The following LPCAT4 variants were observed in gnomAD, a reference collection of about 807,000 sequenced individuals.
LPCAT4 encodes the protein lysophospholipid acyltransferase LPCAT4.
In LPCAT4, 30 loss-of-function variants were observed where a neutral mutation model predicts 66.5. The ratio of observed to expected loss-of-function variants is 0.45; its 90% confidence interval spans 0.34 to 0.61. The LOEUF is 0.61. Ranked by LOEUF, LPCAT4 falls within the 20% of genes least tolerant of loss-of-function variation. LPCAT4 has a pLI of 0.01. For missense variants in LPCAT4, 557 were observed against 656.7 expected, an observed-to-expected ratio of 0.85 and a Z score of 1.66; for synonymous variants, 253 against 262.1, an observed-to-expected ratio of 0.97 and a Z score of 0.34.
chr15:34,362,482 G>C, intron 9 of LPCAT4, 91 bp downstream of exon 9: 3 of 1,415,326 alleles, frequency 2.1e-6, no homozygotes, highest in Non-Finnish European at 2.9e-6. Context: ...CCTGCTCCTC[G>C]ATCTTTGCCT....
chr15:34,363,715 G>A lies in LPCAT4; in HGVS notation c.657C>T (p.Ala219=), dbSNP rs1222953121. ...KKALLKFKPG[A]FIAGVPVQPV... ...GCTGCACAGGCACCCCTGCGATGAA[G>A]GCTCCTAAATCCCATTTCCACCCCC... Residue 219 remains alanine, a synonymous_variant, in exon 6 of 14, where the codon GCC becomes GCT. Transcript: ENST00000314891. The surrounding 1 kb of genome is among the most constrained non-coding windows in gnomAD (Gnocchi z 4.3). The A allele has an allele frequency of 5.0e-6, 8 of 1,614,138 alleles. No homozygotes were observed. The highest frequency in any genetic ancestry group is 6.8e-6 in the Non-Finnish European group (8 of 1,180,026).
chr15:34,359,289 G>A lies in LPCAT4; in HGVS notation c.1413C>T (p.Asn471=), dbSNP rs1890884758. ...CATAGAGTGGGTCATGGAGGGAGAA[G>A]TTCTGGAACTGACCTGGACAAATAA... The part of the protein sequence containing the change: ...SQGLSLCQFQ[N]FSLHDPLYGK... Residue 471 remains asparagine (N), a synonymous_variant, in exon 14 of 14, where the codon AAC becomes AAT. Coordinates refer to ENST00000314891, the MANE Select transcript of LPCAT4 (RefSeq NM_153613.3). 1 of 1,531,304 alleles carries A rather than the reference G, an allele frequency of 6.5e-7. No individual in the cohort carries two copies. Among genetic ancestry groups the A allele is most frequent in the Non-Finnish European group, 8.8e-7 (1 of 1,138,750 alleles). 94.9% of individuals were successfully genotyped at this position (1,531,304 alleles called of 1,614,324 possible).
In LPCAT4 at chr15:34,359,131, T is replaced by A; in HGVS notation, c.1571A>T (p.Asp524Val). ...GTVQAPKQKGD is the reference protein window; with the variant it reads ...GTVQAPKQKGV ...GGGGGTGAGAGGCTGAGGCACTCAG[T>A]CTCCCTTCTGCTTGGGTGCTTGCAC... The change falls in exon 14 of 14, where the codon GAC (aspartate) becomes GTC (valine). Residue 524 changes from aspartate to valine, a missense_variant. Around this residue, in one of 4 missense-constraint regions of LPCAT4, gnomAD observed 392 missense variants for 473.9 expected, o/e 0.83. Transcript: ENST00000314891. The A allele has an allele frequency of 6.2e-7, 1 of 1,601,330 alleles. No homozygotes were observed. The highest frequency in any genetic ancestry group is 8.5e-7 in the Non-Finnish European group (1 of 1,174,826).
Position 34,367,195 on chromosome 15 carries a change from C to G in LPCAT4, c.-95G>C. 8.7e-7 allele frequency: 1 copy of G among 1,151,360 alleles called. No individual in the cohort carries two copies. The highest frequency in any genetic ancestry group is 1.7e-5 in the African/African-American group (1 of 60,164). 71.3% of individuals were successfully genotyped at this position (1,151,360 alleles called of 1,614,324 possible). A position where few individuals can be genotyped will look rare whatever the true frequency, so the allele number is the denominator to read the frequency against. ...CTGCAGCAGCGGCGGCGGCGGCGCT[C>G]TGGCCCGGGCCCCGCCCGGTGCAGG... On this transcript the variant is annotated 5_prime_UTR_variant, in exon 1 of 14. Coordinates refer to ENST00000314891, the MANE Select transcript of LPCAT4 (RefSeq NM_153613.3).
intron 10 of LPCAT4, among the ~76,000 whole-genome samples, 171 bp from the exon 11 acceptor site, chr15:34,361,703 CTTTTCTTTTT>C (rs1019508835): frequency 1.3e-5 from 2 of 151,934 alleles, no homozygotes; most frequent in East Asian, 1.9e-4. Context: ...TTTTTCTTTT[CTTTTCTTTTT>C]TTTTTTGACG....
In LPCAT4 at chr15:34,359,271, T is replaced by A. The variant is rs1233873355; in HGVS notation, c.1431A>T (p.Pro477=). ...CQFQNFSLHD[P]LYGKLFSTYL... Reference sequence around the variant, plus strand: ...AGGTGCTGAAGAGTTTCCCATAGAGTGGGTCATGGAGGGAGAAGTTCTGGA... The same window carrying A: ...AGGTGCTGAAGAGTTTCCCATAGAGAGGGTCATGGAGGGAGAAGTTCTGGA... The change falls in exon 14 of 14, where the codon CCA becomes CCT. Residue 477 remains proline (P), a synonymous_variant. Coordinates refer to ENST00000314891, the MANE Select transcript of LPCAT4 (RefSeq NM_153613.3). The A allele has an allele frequency of 6.5e-7, 1 of 1,549,292 alleles. No individual in the cohort carries two copies. Among genetic ancestry groups the A allele is most frequent in the Non-Finnish European group, 8.7e-7 (1 of 1,146,302 alleles).
chr15:34,362,420 C>A, intron 9 of LPCAT4, 99 bp from the exon 10 acceptor site: 1 of 1,486,160 alleles, frequency 6.7e-7, no homozygotes, highest in Non-Finnish European at 9.3e-7. Context: ...TAGATCAGGC[C>A]CCTTTAAATC....
rs1260711129 is a variant in LPCAT4 at position 34,367,011 on chromosome 15, A to C, written c.90T>G (p.His30Gln). The C allele has an allele frequency of 2.2e-6, 3 of 1,361,574 alleles. No individual in the cohort carries two copies. The highest frequency in any genetic ancestry group is 3.0e-6 in the Non-Finnish European group (3 of 996,882). 84.3% of individuals were successfully genotyped at this position (1,361,574 alleles called of 1,614,324 possible). ...CCTTAACCCTCTGGAGGCGAGAGAG[A>C]TGTAACTCATGCACGAAGGGGTTGG... ...ASPNPFVHEL[H>Q]LSRLQRVKFC... Residue 30 changes from histidine to glutamine, a missense_variant, in exon 1 of 14, where the codon CAT becomes CAG. Physicochemically the swap from His to Gln is conservative, Grantham distance 24 (BLOSUM62 0). Coordinates refer to ENST00000314891, the MANE Select transcript of LPCAT4 (RefSeq NM_153613.3).
At chr15:34,364,923 C>T in intron 3 of LPCAT4, 85 bp downstream of exon 3, 2 of 1,149,634 alleles carry the variant, frequency 1.7e-6, no homozygotes, top group Non-Finnish European at 1.3e-6. Flanking sequence ...ACTTTGAGGC[C>T]AGTTCTTCAC....
At position 34,367,127 on chromosome 15, in the gene LPCAT4, C is replaced by A. The variant is rs1891100229; in HGVS notation, c.-27G>T. On this transcript the variant is annotated 5_prime_UTR_variant, in exon 1 of 14. Coordinates refer to ENST00000314891, the MANE Select transcript of LPCAT4 (RefSeq NM_153613.3). ...GCGGGAGAAGGTGGGAGGGAGGGCA[C>A]CCCGGCCCTGGCCCCGGCCACCACT... 2 of 1,512,922 alleles carry A rather than the reference C, an allele frequency of 1.3e-6. No homozygotes were observed. The highest frequency in any genetic ancestry group is 1.2e-5 in the South Asian group (1 of 80,062). 93.7% of individuals were successfully genotyped at this position (1,512,922 alleles called of 1,614,324 possible). A position where few individuals can be genotyped will look rare whatever the true frequency, so the allele number is the denominator to read the frequency against.
intron 8 of LPCAT4, 46 bp from the exon 9 acceptor site, chr15:34,362,701 G>C: frequency 6.2e-7 from 1 of 1,610,906 alleles, no homozygotes; most frequent in Non-Finnish European, 8.5e-7. Flanking sequence ...TCAAAGTGAG[G>C]TATGACCACT....
Position 34,363,534 on chromosome 15 carries a change from G to A in LPCAT4, c.712-78C>T. 1 of 1,602,292 alleles carries A rather than the reference G, an allele frequency of 6.2e-7. No homozygotes were observed. The highest frequency in any genetic ancestry group is 8.5e-7 in the Non-Finnish European group (1 of 1,169,964). ...ACTGGCCAATCACCTTTGAACAGAG[G>A]GCCTGATCCCACCTCTGGTCACAGC... On this transcript the variant is annotated intron_variant, in intron 6 of 13. Transcript: ENST00000314891. This position sits in a 1 kb window ranked among gnomAD's most constrained non-coding sequence, Gnocchi z 4.3.
At chr15:34,364,448 A>G (rs1891025404) in intron 3 of LPCAT4, 142 bp from the exon 4 acceptor site, 1 of 595,612 alleles carries the variant, frequency 1.7e-6, no homozygotes, top group Non-Finnish European at 2.9e-6. Flanking sequence ...TTTGAGACAG[A>G]GTTTCGCTTT....
intron 12 of LPCAT4, 31 bp from the exon 13 acceptor site, chr15:34,359,776 C>T (rs370146993): frequency 4.0e-4 from 635 of 1,586,450 alleles, no homozygotes; most frequent in South Asian, 1.4e-3. Flanking sequence ...GAGTCAAGTT[C>T]TCTCCTCATG....
In LPCAT4 at chr15:34,359,165, T is replaced by C; in HGVS notation, c.1537A>G (p.Asn513Asp). The C allele has an allele frequency of 6.2e-7, 1 of 1,607,108 alleles. No homozygotes were observed. The highest frequency in any genetic ancestry group is 1.1e-5 in the South Asian group (1 of 89,318). The change falls in exon 14 of 14, where the codon AAT (asparagine) becomes GAT (aspartate). Residue 513 changes from asparagine to aspartate, a missense_variant. Physicochemically the swap from Asn to Asp is conservative, Grantham distance 23. Transcript: ENST00000314891. ...SSPGNPTALA[N>D]GTVQAPKQKG... The stretch of plus-strand genomic sequence containing the variant: ...TGCTTGGGTGCTTGCACAGTCCCAT[T>C]GGCCAGAGCAGTGGGGTTGCCTGGG...
rs186716263 is a variant in LPCAT4, at chr15:34,363,568, C to A, written c.711+93G>T. Reference sequence around the variant, plus strand: ...CCACCTCTGGTCACAGCCCCCAATGCACATCCCATTAAAGCACCAACAGTT... The same window carrying A: ...CCACCTCTGGTCACAGCCCCCAATGAACATCCCATTAAAGCACCAACAGTT... On this transcript the variant is annotated intron_variant, in intron 6 of 13. Coordinates refer to ENST00000314891, the MANE Select transcript of LPCAT4 (RefSeq NM_153613.3). The surrounding 1 kb of genome is among the most constrained non-coding windows in gnomAD (Gnocchi z 4.3). 69 of 1,595,186 alleles carry A rather than the reference C, an allele frequency of 4.3e-5. No homozygotes were observed. In the East Asian group the frequency reaches 1.5e-3, roughly 34 times the overall value.
rs144011888 is a variant in LPCAT4 at position 34,362,205 on chromosome 15, C to G, written c.1001G>C (p.Arg334Pro). 6 of 1,613,812 alleles carry G rather than the reference C, an allele frequency of 3.7e-6. No homozygotes were observed. The highest frequency in any genetic ancestry group is 4.2e-6 in the Non-Finnish European group (5 of 1,179,990). ...TTCCAAGACCACTTACCCAGCCTTCCGAAGCACTTTTCCCAGTTCCCAGAG... is the reference window on the plus strand; with the variant it reads ...TTCCAAGACCACTTACCCAGCCTTCGGAAGCACTTTTCCCAGTTCCCAGAG... ...PQLWELGKVL[R>P]KAGLSAGYVD... is the part of the protein sequence containing the mutation. Residue 334 changes from arginine to proline, a missense_variant, in exon 10 of 14, where the codon CGG becomes CCG. Physicochemically the swap from Arg to Pro is moderately radical, Grantham distance 103. This residue lies in a region of LPCAT4 where 392 missense variants were observed against 473.9 expected (regional missense o/e 0.83). Transcript: ENST00000314891.
Position 34,367,113 on chromosome 15 carries a change from TG to T in LPCAT4, c.-14del. 6.5e-7 allele frequency: 1 copy of T among 1,531,808 alleles called. No homozygotes were observed. The highest frequency in any genetic ancestry group is 2.5e-5 in the East Asian group (1 of 40,286). The allele number at this position is 1,531,808 out of a possible 1,614,324, so 94.9% of individuals were successfully genotyped here. A position where few individuals can be genotyped will look rare whatever the true frequency, so the allele number is the denominator to read the frequency against. ...TTCCCTGGCTCATGGCGGGAGAAGGTGGGAGGGAGGGCACCCCGGCCCTGGC... is the reference window on the plus strand; with the variant it reads ...TTCCCTGGCTCATGGCGGGAGAAGGTGGAGGGAGGGCACCCCGGCCCTGGC... On this transcript the variant is annotated 5_prime_UTR_variant, in exon 1 of 14. Transcript: ENST00000314891.
chr15:34,362,550 G>C, intron 9 of LPCAT4, 23 bp downstream of exon 9: 2 of 1,532,744 alleles, frequency 1.3e-6, no homozygotes, highest in East Asian at 4.5e-5. Flanking sequence ...ACTGCTCCAG[G>C]AAATAGTTTG....
Sources: allele counts gnomAD v4.1 joint callset (sites outside exome capture counted in the v4.1 genomes callset), GRCh38; gene constraint gnomAD v4.1.1; regional missense constraint gnomAD v4.1.1; non-coding constraint Gnocchi (gnomAD v3.1); transcripts MANE v1.5; gene names NCBI Gene and HGNC (gene_info 2026-07-23, HGNC 2026-07-21).